ANKRD13A: variants seen among roughly 807,000 people sequenced by gnomAD.
ANKRD13A encodes ankyrin repeat domain 13A.
ANKRD13A carries 48 observed loss-of-function variants against 81.3 expected under a neutral mutation model. The observed-to-expected ratio is 0.59, with a 90% CI of 0.47 to 0.75. ANKRD13A has a LOEUF of 0.75. Among genes scored for constraint, ANKRD13A ranks in the 30% least tolerant of loss-of-function variants. The probability of loss-of-function intolerance (pLI) is 0.00; values close to 1 mark genes in which losing one functional copy is unlikely to be tolerated. For synonymous variants in ANKRD13A, 230 were observed against 270.1 expected, an observed-to-expected ratio of 0.85 and a Z score of 1.45; for missense variants, 612 against 734.0, an observed-to-expected ratio of 0.83 and a Z score of 1.92.
intron 13 of ANKRD13A, among the ~76,000 whole-genome samples, chr12:110,034,796 T>C (rs1593233900): frequency 1.3e-5 from 2 of 152,326 alleles, no homozygotes; most frequent in South Asian, 4.1e-4. Context: ...CTGCAGTCCA[T>C]TTATTTGTTA....
In ANKRD13A at chr12:110,029,465, T is replaced by C. The variant is rs1257159151; in HGVS notation, c.1077-13T>C. ...GGAGATGACCTCAGTCTTTTCTTGG[T>C]TGAATTCTGCAGGTTTAAAGCAATG... On this transcript the variant is annotated splice_polypyrimidine_tract_variant and intron_variant, in intron 10 of 14. Coordinates refer to ENST00000261739, the MANE Select transcript of ANKRD13A (RefSeq NM_033121.2). 7.5e-6 allele frequency: 12 copies of C among 1,604,768 alleles called. No individual in the cohort carries two copies. The highest frequency in any genetic ancestry group is 1.0e-5 in the Non-Finnish European group (12 of 1,172,066).
In ANKRD13A at chr12:110,030,772, T is replaced by C. The variant is rs1048892506; in HGVS notation, c.1348+14T>C. The C allele has an allele frequency of 1.3e-6, 2 of 1,531,106 alleles. No individual in the cohort carries two copies. The highest frequency in any genetic ancestry group is 8.9e-7 in the Non-Finnish European group (1 of 1,129,166). 94.8% of individuals were successfully genotyped at this position (1,531,106 alleles called of 1,614,324 possible). On this transcript the variant is annotated intron_variant, in intron 12 of 14. Coordinates refer to ENST00000261739, the MANE Select transcript of ANKRD13A (RefSeq NM_033121.2). ...AGGCTGATTCAGGTAAAAAAATAAATAAATACAAAGTTTAGTTTTGTTATT... is the reference window on the plus strand; with the variant it reads ...AGGCTGATTCAGGTAAAAAAATAAACAAATACAAAGTTTAGTTTTGTTATT...
In ANKRD13A at chr12:110,018,278, G is replaced by C. The variant is rs1321164535; in HGVS notation, c.401-67G>C. On this transcript the variant is annotated intron_variant, in intron 4 of 14. Coordinates refer to ENST00000261739, the MANE Select transcript of ANKRD13A (RefSeq NM_033121.2). This position sits in a 1 kb window ranked among gnomAD's most constrained non-coding sequence, Gnocchi z 4.4. ...CCTCCTTTTATTAAATCAGAATCCT[G>C]ATTTCCTGGCCTAGGTATTCTTCTT... The C allele has an allele frequency of 5.3e-6, 8 of 1,515,194 alleles. No individual in the cohort carries two copies. The Admixed American group carries it at 1.6e-4, about 30-fold the overall frequency. 93.9% of individuals were successfully genotyped at this position (1,515,194 alleles called of 1,614,324 possible). A position where few individuals can be genotyped will look rare whatever the true frequency, so the allele number is the denominator to read the frequency against.
chr12:110,029,756 A>G (rs1401435240), intron 11 of ANKRD13A, 121 bp downstream of exon 11: 2 of 1,126,334 alleles, frequency 1.8e-6, no homozygotes, highest in East Asian at 4.8e-5. Context: ...GCTTATAGAC[A>G]TAACAGAGGA....
chr12:110,019,095 C>T, intron 5 of ANKRD13A, 44 bp from the exon 6 acceptor site: 1 of 1,519,730 alleles, frequency 6.6e-7, no homozygotes, highest in Non-Finnish European at 8.8e-7. Context: ...GTTTTTGCAT[C>T]TTCCCTACTT....
chr12:110,028,935 A>G (rs1470607219), intron 10 of ANKRD13A: 1 of 274,974 alleles, frequency 3.6e-6, no homozygotes, highest in Non-Finnish European at 7.1e-6. Flanking sequence ...ATAGGGTTTC[A>G]CCATATTGGT....
intron 1 of ANKRD13A, among the ~76,000 whole-genome samples, chr12:110,006,843 G>T (rs917663962): frequency 2.0e-5 from 3 of 152,024 alleles, no homozygotes; most frequent in Admixed American, 6.6e-5. Context: ...TGATCCTCCC[G>T]CCTTGGCCTC....
Position 110,035,597 on chromosome 12 carries a change from G to A in ANKRD13A, c.1510-664G>A, listed in dbSNP as rs370014794. ...CCCGAGTAGCTGGGATTACAGGTGC[G>A]CACCACCAGACCCAGCTAGTTTTTG... On this transcript the variant is annotated intron_variant, in intron 13 of 14. Transcript: ENST00000261739. Among the ~76,000 whole-genome samples, 281 of 152,038 alleles carry A rather than the reference G, an allele frequency of 1.8e-3. 9 individuals carry two copies. In the South Asian group the frequency reaches 0.057, roughly 31 times the overall value.
At chr12:110,004,341 C>T (rs1260756720) in intron 1 of ANKRD13A, among the ~76,000 whole-genome samples, 3 of 152,012 alleles carry the variant, frequency 2.0e-5, no homozygotes, top group South Asian at 2.1e-4. Flanking sequence ...TCCAGCCGGG[C>T]GTGGTGGCTC....
In ANKRD13A at chr12:110,029,473, T is replaced by G. The variant is rs1006298742; in HGVS notation, c.1077-5T>G. On this transcript the variant is annotated splice_region_variant and splice_polypyrimidine_tract_variant and intron_variant, in intron 10 of 14. Coordinates refer to ENST00000261739, the MANE Select transcript of ANKRD13A (RefSeq NM_033121.2). ...CCTCAGTCTTTTCTTGGTTGAATTC[T>G]GCAGGTTTAAAGCAATGTTGTGGAT... is the stretch of plus-strand genomic sequence containing the variant. 17 of 1,607,014 alleles carry G rather than the reference T, an allele frequency of 1.1e-5. No individual in the cohort carries two copies. Among genetic ancestry groups the G allele is most frequent in the Non-Finnish European group, 1.4e-5 (17 of 1,173,848 alleles).
At chr12:110,014,950 AT>A (rs200740786) in intron 3 of ANKRD13A, among the ~76,000 whole-genome samples, 36 of 146,284 alleles carry the variant, frequency 2.5e-4, no homozygotes, top group Non-Finnish European at 2.1e-4. Context: ...CGCCCGGCTA[AT>A]TTTTTTTTTT....
chr12:110,005,129 T>A (rs1890175206), intron 1 of ANKRD13A, among the ~76,000 whole-genome samples: 1 of 152,144 alleles, frequency 6.6e-6, no homozygotes, highest in African/African-American at 2.4e-5. Context: ...ATTTCAGAAA[T>A]TTTTTTCTTT....
In ANKRD13A at chr12:110,001,526, G is replaced by A. The variant is rs186267880; in HGVS notation, c.96+1742G>A. ...GCGATCTCAGGTCACTGCAACCTTC[G>A]CCTCCCGGGTTCCAGCGATTCTCCT... On this transcript the variant is annotated intron_variant, in intron 1 of 14. Coordinates refer to ENST00000261739, the MANE Select transcript of ANKRD13A (RefSeq NM_033121.2). Among the ~76,000 whole-genome samples the A allele has an allele frequency of 2.6e-4, 39 of 149,304 alleles. No individual in the cohort carries two copies. The East Asian group carries it at 6.7e-3, about 26-fold the overall frequency.
chr12:110,019,226 T>A lies in ANKRD13A; in HGVS notation c.632T>A (p.Leu211His). 6.2e-7 allele frequency: 1 copy of A among 1,614,078 alleles called. No individual in the cohort carries two copies. Among genetic ancestry groups the A allele is most frequent in the South Asian group, 1.1e-5 (1 of 91,078 alleles). ...RFDLSQEMER[L>H]TLDLMKPKSR... ...GACCTTTCCCAAGAAATGGAGCGCC[T>A]CACTCTGGACTTGATGAAGCCAAAA... The change falls in exon 6 of 15, where the codon CTC becomes CAC. Residue 211 changes from leucine (L) to histidine (H), a missense_variant. By Grantham distance (99) the Leu-to-His change is moderately conservative. Transcript: ENST00000261739.
chr12:110,009,188 T>C (rs1890385055), intron 1 of ANKRD13A, among the ~76,000 whole-genome samples: 1 of 152,130 alleles, frequency 6.6e-6, no homozygotes, highest in African/African-American at 2.4e-5. Context: ...TTCAAGCAAT[T>C]CTCCTGCCTC....
chr12:110,021,005 G>T (rs1891048275), intron 6 of ANKRD13A: 2 of 372,724 alleles, frequency 5.4e-6, no homozygotes, highest in Non-Finnish European at 1.1e-5. Context: ...TGAAGAGAGG[G>T]TGACAATTCC....
In ANKRD13A at chr12:110,016,432, G is replaced by C; in HGVS notation, c.399G>C (p.Trp133Cys). 6.3e-7 allele frequency: 1 copy of C among 1,592,120 alleles called. No homozygotes were observed. The highest frequency in any genetic ancestry group is 1.7e-5 in the Admixed American group (1 of 59,344). ...YVQMKWEFTS[W>C]VPLVSRICPN... is the part of the protein sequence containing the mutation. ...AGATGAAATGGGAATTCACCAGCTG[G>C]GGTGAGTGGCTGTGGGCTCGTTATT... The change falls in exon 4 of 15, where the codon TGG (tryptophan) becomes TGC (cysteine). Residue 133 changes from tryptophan (W) to cysteine (C), a missense_variant and splice_region_variant. By Grantham distance (215) the Trp-to-Cys change is radical. Transcript: ENST00000261739.
chr12:110,029,529 G>A lies in ANKRD13A; in HGVS notation c.1128G>A (p.Glu376=). 1 of 1,613,996 alleles carries A rather than the reference G, an allele frequency of 6.2e-7. No homozygotes were observed. Among genetic ancestry groups the A allele is most frequent in the South Asian group, 1.1e-5 (1 of 91,084 alleles). ...AAGAGTTTCCCCTCTCTCTGGTGGA[G>A]CAGGTCATTCCCATCATTGACCTAA... ...MCEEFPLSLV[E]QVIPIIDLMA... Residue 376 remains glutamate (E), a synonymous_variant, in exon 11 of 15, where the codon GAG becomes GAA. Transcript: ENST00000261739.
At chr12:110,014,785 T>C (rs1593207551) in intron 3 of ANKRD13A, among the ~76,000 whole-genome samples, 1 of 145,348 alleles carries the variant, frequency 6.9e-6, no homozygotes. Flanking sequence ...CTAGCATTTC[T>C]CTTCTTTTTT....
Sources: allele counts gnomAD v4.1 joint callset (sites outside exome capture counted in the v4.1 genomes callset), GRCh38; gene constraint gnomAD v4.1.1; non-coding constraint Gnocchi (gnomAD v3.1); transcripts MANE v1.5; gene names NCBI Gene and HGNC (gene_info 2026-07-23, HGNC 2026-07-21).